RETREG3: variants seen among roughly 807,000 people sequenced by gnomAD.
RETREG3 encodes the protein reticulophagy regulator family member 3, also known as reticulophagy regulator 3.
A neutral mutation model predicts 50.2 loss-of-function variants in RETREG3; 23 were observed. That is an observed-to-expected ratio of 0.46 (90% CI 0.33 to 0.65). RETREG3 has a LOEUF of 0.65. RETREG3 is among the 30% of genes least tolerant of loss of function. RETREG3 has a pLI of 0.02. For synonymous variants in RETREG3, 240 were observed against 234.4 expected (o/e 1.02, Z -0.22); for missense variants, 546 against 598.0 (o/e 0.91, Z 0.91).
At chr17:42,604,710 A>AAG (rs1567927619) in intron 1 of RETREG3, among the ~76,000 whole-genome samples, 2 of 151,670 alleles carry the variant, frequency 1.3e-5, no homozygotes, top group Non-Finnish European at 1.5e-5. Flanking sequence ...AAAAAAAAAA[A>AAG]AAAAAAAACT....
At chr17:42,601,945 A>G (rs2093159485) in intron 1 of RETREG3, among the ~76,000 whole-genome samples, 1 of 152,054 alleles carries the variant, frequency 6.6e-6, no homozygotes. Flanking sequence ...AAAAGTTTCC[A>G]ATTTTTTGAT....
chr17:42,593,252 A>C (rs1438208229), intron 1 of RETREG3, among the ~76,000 whole-genome samples: 1 of 152,198 alleles, frequency 6.6e-6, no homozygotes, highest in Non-Finnish European at 1.5e-5. Flanking sequence ...GATTTATCCC[A>C]AGACTGCAAG....
chr17:42,603,244 C>T (rs749185156), intron 1 of RETREG3, among the ~76,000 whole-genome samples: 4 of 152,112 alleles, frequency 2.6e-5, no homozygotes, highest in Admixed American at 6.6e-5. Flanking sequence ...TTAAAGTTTG[C>T]TATAATCATA....
chr17:42,582,150 C>T lies in RETREG3; in HGVS notation c.1064G>A (p.Ser355Asn). The change falls in exon 9 of 9, where the codon AGC becomes AAC. Residue 355 changes from serine to asparagine, a missense_variant. Transcript: ENST00000309428. ...DEDDTSIGMP[S>N]LMYRSPPGAE... The stretch of plus-strand genomic sequence containing the variant: ...CCCTGGCGGAGAACGGTACATCAAG[C>T]TGGGCATGCCAATGCTAGTGTCGTC... 6.2e-7 allele frequency: 1 copy of T among 1,614,142 alleles called. No individual in the cohort carries two copies. The highest frequency in any genetic ancestry group is 1.1e-5 in the South Asian group (1 of 91,084).
At chr17:42,607,430 G>T (rs60929812) in intron 1 of RETREG3, among the ~76,000 whole-genome samples, 1 of 148,908 alleles carries the variant, frequency 6.7e-6, no homozygotes, top group African/African-American at 2.5e-5. Flanking sequence ...AGCCCAGGAA[G>T]TGGAAGTTGC....
At chr17:42,586,201 G>T in intron 4 of RETREG3, 64 bp from the exon 5 acceptor site, 1 of 1,494,480 alleles carries the variant, frequency 6.7e-7, no homozygotes, top group Non-Finnish European at 9.3e-7. Context: ...TGGGTGTGAA[G>T]GGTTAGGGTA....
At chr17:42,599,350 G>A (rs1445110647) in intron 1 of RETREG3, among the ~76,000 whole-genome samples, 8 of 152,002 alleles carry the variant, frequency 5.3e-5, no homozygotes. Context: ...GTGGTAGGCT[G>A]GAAAAATTGA....
chr17:42,583,410 C>T, intron 7 of RETREG3, 88 bp downstream of exon 7: 1 of 1,269,724 alleles, frequency 7.9e-7, no homozygotes, highest in Non-Finnish European at 1.1e-6. Flanking sequence ...GGCCTCAAAC[C>T]TGGTTATGGC....
Position 42,582,634 on chromosome 17 carries a change from G to A in RETREG3, c.943+40C>T, listed in dbSNP as rs1181890633. 4 of 1,612,322 alleles carry A rather than the reference G, an allele frequency of 2.5e-6. No individual in the cohort carries two copies. The African/African-American group carries it at 5.3e-5, about 22-fold the overall frequency. Reference sequence around the variant, plus strand: ...TGTTCAGGGAAGCTAAGAGGCAACAGTCAGAGCCATTATCAACTGAGGTCA... The same window carrying A: ...TGTTCAGGGAAGCTAAGAGGCAACAATCAGAGCCATTATCAACTGAGGTCA... On this transcript the variant is annotated intron_variant, in intron 8 of 8. Transcript: ENST00000309428.
intron 2 of RETREG3, among the ~76,000 whole-genome samples, chr17:42,591,696 A>G (rs1401438726): frequency 6.6e-6 from 1 of 152,158 alleles, no homozygotes; most frequent in Non-Finnish European, 1.5e-5. Flanking sequence ...TTTGCAAATG[A>G]GCAATGTAAA....
chr17:42,593,241 A>G (rs1440620162), intron 1 of RETREG3, among the ~76,000 whole-genome samples: 1 of 152,198 alleles, frequency 6.6e-6, no homozygotes, highest in African/African-American at 2.4e-5. Flanking sequence ...TGAACAAATG[A>G]GATTTATCCC....
intron 1 of RETREG3, among the ~76,000 whole-genome samples, chr17:42,597,976 G>GTTTTT (rs869196773): frequency 6.3e-5 from 6 of 95,868 alleles, no homozygotes; most frequent in Admixed American, 1.2e-4. Context: ...TTCCTCTGAA[G>GTTTTT]TTTTTTTTTT....
At position 42,583,530 on chromosome 17, in the gene RETREG3, T is replaced by C; in HGVS notation, c.778A>G (p.Ser260Gly). Residue 260 changes from serine to glycine, a missense_variant, in exon 7 of 9, where the codon AGC becomes GGC. Coordinates refer to ENST00000309428, the MANE Select transcript of RETREG3 (RefSeq NM_178126.4). ...CAGAAGGCAGCAAGCTCCTCTTCGC[T>C]GTCACTGTGGTTGTCCATGGCTCGT... ...PERAMDNHSDSEEELAAFCPQ... is the reference protein window; with the variant it reads ...PERAMDNHSDGEEELAAFCPQ... The C allele has an allele frequency of 1.2e-6, 2 of 1,613,766 alleles. No homozygotes were observed. The highest frequency in any genetic ancestry group is 1.7e-6 in the Non-Finnish European group (2 of 1,179,766).
At chr17:42,582,309 C>T (rs1460825927) in intron 8 of RETREG3, 39 bp from the exon 9 acceptor site, 4 of 1,555,620 alleles carry the variant, frequency 2.6e-6, no homozygotes, top group Non-Finnish European at 3.5e-6. Context: ...TGGCACCTAC[C>T]TGGCCCTCCT....
In RETREG3 at chr17:42,582,080, C is replaced by T. The variant is rs375605949; in HGVS notation, c.1134G>A (p.Ala378=). 6.2e-6 allele frequency: 10 copies of T among 1,614,084 alleles called. No individual in the cohort carries two copies. The highest frequency in any genetic ancestry group is 2.7e-5 in the African/African-American group (2 of 75,020). ...QAPPASRDEA[A]LPELLLGALP... ...GAGCACCAAGCAGGAGCTCCGGCAG[C>T]GCAGCCTCGTCCCGGCTGGCAGGTG... Residue 378 remains alanine (A), a synonymous_variant, in exon 9 of 9, where the codon GCG becomes GCA. Transcript: ENST00000309428.
intron 3 of RETREG3, 126 bp downstream of exon 3, chr17:42,587,708 A>T (rs1011561901): frequency 1.7e-5 from 20 of 1,153,464 alleles, no homozygotes; most frequent in African/African-American, 3.1e-5. Context: ...TAAAATGATC[A>T]TTTGGAACAG....
At chr17:42,604,951 C>T (rs567371325) in intron 1 of RETREG3, among the ~76,000 whole-genome samples, 4 of 152,076 alleles carry the variant, frequency 2.6e-5, no homozygotes, top group South Asian at 2.1e-4. Flanking sequence ...GAGGTTGAGA[C>T]TAATGAAAAC....
intron 1 of RETREG3, among the ~76,000 whole-genome samples, chr17:42,595,654 A>ATTTC (rs1156396266): frequency 3.6e-5 from 5 of 139,810 alleles, no homozygotes; most frequent in African/African-American, 1.1e-4. Context: ...TGACAACCCT[A>ATTTC]TTTCTTTCTT....
At chr17:42,604,185 T>C (rs942083657) in intron 1 of RETREG3, among the ~76,000 whole-genome samples, 4 of 152,026 alleles carry the variant, frequency 2.6e-5, no homozygotes, top group South Asian at 2.1e-4. Flanking sequence ...CGGACAAAAA[T>C]AAAATTTTTA....
Sources: gnomAD v4.1 joint callset for allele counts (sites outside exome capture counted in the v4.1 genomes callset) on GRCh38, gnomAD v4.1.1 for gene constraint, MANE v1.5 for transcripts, NCBI Gene and HGNC (gene_info 2026-07-23, HGNC 2026-07-21) for gene names.